Variants in COIL observed in about 807,000 individuals in gnomAD.
COIL encodes the protein coilin p80.
In COIL, 28 loss-of-function variants were observed where a neutral mutation model predicts 51.6. The ratio of observed to expected loss-of-function variants is 0.54; its 90% confidence interval spans 0.40 to 0.74. COIL has a LOEUF of 0.74. Ranked by LOEUF, COIL falls within the 30% of genes least tolerant of loss-of-function variation. COIL has a pLI of 0.00. For synonymous variants in COIL, 233 were observed against 255.8 expected, an observed-to-expected ratio of 0.91 and a Z score of 0.85; for missense variants, 667 against 685.9, an observed-to-expected ratio of 0.97 and a Z score of 0.31.
At position 56,938,990 on chromosome 17, in the gene COIL, C is replaced by CT; in HGVS notation, c.*80dup. On this transcript the variant is annotated 3_prime_UTR_variant, in exon 7 of 7. Coordinates refer to ENST00000240316, the MANE Select transcript of COIL (RefSeq NM_004645.3). ...AAAATCCATACAACTTCCAAATCCTCTTTAAAAAAAAAAAAAAGTTTGGGT... is the reference window on the plus strand; with the variant it reads ...AAAATCCATACAACTTCCAAATCCTCTTTTAAAAAAAAAAAAAAGTTTGGGT... The CT allele has an allele frequency of 1.3e-6, 1 of 746,010 alleles. No individual in the cohort carries two copies. Among genetic ancestry groups the CT allele is most frequent in the Non-Finnish European group, 2.2e-6 (1 of 449,276 alleles). 46.2% of individuals were successfully genotyped at this position (746,010 alleles called of 1,614,324 possible). A position where few individuals can be genotyped will look rare whatever the true frequency, so the allele number is the denominator to read the frequency against.
chr17:56,957,860 G>A (rs1332483403), intron 1 of COIL, among the ~76,000 whole-genome samples: 1 of 152,124 alleles, frequency 6.6e-6, no homozygotes, highest in Non-Finnish European at 1.5e-5. Flanking sequence ...TTAGGAACTC[G>A]CTGTCAGAAA....
intron 1 of COIL, among the ~76,000 whole-genome samples, chr17:56,953,328 G>T (rs7226124): frequency 5.3e-5 from 8 of 149,698 alleles, no homozygotes; most frequent in African/African-American, 1.7e-4. Flanking sequence ...GGAGAATGGC[G>T]TGAACCTGGG....
intron 3 of COIL, 37 bp downstream of exon 3, chr17:56,949,644 G>A: frequency 6.4e-7 from 1 of 1,565,350 alleles, no homozygotes; most frequent in East Asian, 2.2e-5. Context: ...GAAGGGGAAT[G>A]AACCTTTTTT....
intron 5 of COIL, among the ~76,000 whole-genome samples, chr17:56,944,658 A>T (rs1910211138): frequency 6.6e-6 from 1 of 152,146 alleles, no homozygotes; most frequent in South Asian, 2.1e-4. Flanking sequence ...TCATAAACGA[A>T]CTTTGTTCAA....
At position 56,950,884 on chromosome 17, in the gene COIL, C is replaced by T; in HGVS notation, c.358G>A (p.Glu120Lys). The T allele has an allele frequency of 6.2e-7, 1 of 1,613,892 alleles. No homozygotes were observed. Among genetic ancestry groups the T allele is most frequent in the Non-Finnish European group, 8.5e-7 (1 of 1,180,032 alleles). ...TATTTGCAATCTGGTTCAGTTTCTT[C>T]ACCCTCCTCTAACTGAAATGCCCGC... ...KKRAFQLEEG[E>K]ETEPDCKYSK... Residue 120 changes from glutamate to lysine, a missense_variant, in exon 2 of 7, where the codon GAA (glutamate) becomes AAA (lysine). Glu to Lys is a moderately conservative substitution (Grantham distance 56, BLOSUM62 1). Coordinates refer to ENST00000240316, the MANE Select transcript of COIL (RefSeq NM_004645.3).
intron 4 of COIL, among the ~76,000 whole-genome samples, chr17:56,948,387 C>T (rs1567852239): frequency 6.6e-6 from 1 of 152,008 alleles, no homozygotes; most frequent in Admixed American, 6.6e-5. Flanking sequence ...GATCCACCCA[C>T]CTTGGCCTCC....
chr17:56,944,053 GAC>G (rs1364571686), intron 5 of COIL, among the ~76,000 whole-genome samples: 1 of 149,332 alleles, frequency 6.7e-6, no homozygotes. Flanking sequence ...TTTTTTTTAC[GAC>G]AGAGTCTCAC....
At chr17:56,946,115 G>A (rs936389280) in intron 5 of COIL, among the ~76,000 whole-genome samples, 1 of 152,182 alleles carries the variant, frequency 6.6e-6, no homozygotes, top group Admixed American at 6.5e-5. Context: ...ATCTTTTATA[G>A]CTGACCCACT....
chr17:56,945,474 A>G (rs1480695332), intron 5 of COIL, among the ~76,000 whole-genome samples: 1 of 152,242 alleles, frequency 6.6e-6, no homozygotes, highest in East Asian at 1.9e-4. Context: ...CCACGCATTC[A>G]GTTCCAGTAC....
At chr17:56,959,134 C>G (rs1480535096) in intron 1 of COIL, among the ~76,000 whole-genome samples, 1 of 152,118 alleles carries the variant, frequency 6.6e-6, no homozygotes, top group Non-Finnish European at 1.5e-5. Flanking sequence ...AGCTTGAGCC[C>G]AGGGATTCGA....
chr17:56,947,932 C>G (rs994540396), intron 4 of COIL, among the ~76,000 whole-genome samples: 4 of 152,058 alleles, frequency 2.6e-5, no homozygotes, highest in African/African-American at 2.4e-5. Flanking sequence ...CAAGACAGGT[C>G]TGTACATCTT....
intron 3 of COIL, 41 bp downstream of exon 3, chr17:56,949,640 G>A (rs763246588): frequency 2.6e-6 from 4 of 1,549,668 alleles, no homozygotes; most frequent in Admixed American, 3.3e-5. Flanking sequence ...TTTGGAAGGG[G>A]AATGAACCTT....
chr17:56,945,510 C>A (rs1036502407), intron 5 of COIL, among the ~76,000 whole-genome samples: 2 of 152,128 alleles, frequency 1.3e-5, no homozygotes, highest in Non-Finnish European at 2.9e-5. Flanking sequence ...AGAGATAAAT[C>A]CAGCAACCAT....
intron 5 of COIL, among the ~76,000 whole-genome samples, chr17:56,946,202 T>G (rs1910246289): frequency 6.6e-6 from 1 of 152,190 alleles, no homozygotes; most frequent in Admixed American, 6.6e-5. Flanking sequence ...TATAATCGAT[T>G]TTCATCAGTT....
intron 1 of COIL, among the ~76,000 whole-genome samples, chr17:56,960,496 C>T (rs1472330407): frequency 6.6e-6 from 1 of 151,410 alleles, no homozygotes; most frequent in Non-Finnish European, 1.5e-5. Context: ...TGTACTCCAG[C>T]CTGGGTGACA....
chr17:56,946,333 C>T lies in COIL; in HGVS notation c.1558+109G>A, dbSNP rs998779768. 1.2e-5 allele frequency: 8 copies of T among 673,838 alleles called. No individual in the cohort carries two copies. In the Admixed American group the frequency reaches 1.3e-4, roughly 11 times the overall value. The allele number at this position is 673,838 out of a possible 1,614,324, so 41.7% of individuals were successfully genotyped here. Reference sequence around the variant, plus strand: ...AAAGTGTGCTGAAAGAAGTGGGGAGCGCCAGTTATATGGAGGCCAAGGAAG... The same window carrying T: ...AAAGTGTGCTGAAAGAAGTGGGGAGTGCCAGTTATATGGAGGCCAAGGAAG... On this transcript the variant is annotated intron_variant, in intron 5 of 6. Transcript: ENST00000240316.
At chr17:56,942,835 G>A (rs1322058949) in intron 5 of COIL, among the ~76,000 whole-genome samples, 1 of 151,998 alleles carries the variant, frequency 6.6e-6, no homozygotes, top group Non-Finnish European at 1.5e-5. Flanking sequence ...GCTTTCTATG[G>A]TAAAATGGGA....
chr17:56,958,451 G>A (rs1332478111), intron 1 of COIL, among the ~76,000 whole-genome samples: 6 of 152,114 alleles, frequency 3.9e-5, no homozygotes, highest in South Asian at 2.1e-4. Flanking sequence ...CTTTTTCTAC[G>A]GTCTGCCCAT....
chr17:56,946,564 T>C, intron 4 of COIL, 53 bp from the exon 5 acceptor site: 2 of 1,163,666 alleles, frequency 1.7e-6, no homozygotes, highest in South Asian at 2.6e-5. Flanking sequence ...ACTGTGAATA[T>C]ACTAAAAACC....
Sources: allele counts gnomAD v4.1 joint callset (sites outside exome capture counted in the v4.1 genomes callset), GRCh38; gene constraint gnomAD v4.1.1; transcripts MANE v1.5; gene names NCBI Gene and HGNC (gene_info 2026-07-23, HGNC 2026-07-21).